The following PCDHA1 variants were observed in gnomAD, a reference collection of about 807,000 sequenced individuals.
The protein encoded by PCDHA1 is protocadherin alpha-1.
In PCDHA1, 42 loss-of-function variants were observed where a neutral mutation model predicts 61.3. The observed-to-expected ratio is 0.69, with a 90% CI of 0.54 to 0.89. PCDHA1 has a LOEUF of 0.89. Among genes scored for constraint, PCDHA1 ranks in the 40% least tolerant of loss-of-function variants. The probability of loss-of-function intolerance (pLI) is 0.00; values close to 1 mark genes in which losing one functional copy is unlikely to be tolerated. For synonymous variants in PCDHA1, 610 were observed against 553.8 expected (o/e 1.10, Z -1.43); for missense variants, 1,256 against 1,235.3 (o/e 1.02, Z -0.25).
intron 1 of PCDHA1, among the ~76,000 whole-genome samples, chr5:140,915,100 CACA>C (rs2076984171): frequency 6.6e-6 from 1 of 151,988 alleles, no homozygotes; most frequent in African/African-American, 2.4e-5. Context: ...CACGCACCAC[CACA>C]ACACCCACCT....
chr5:140,877,674 G>T (rs2057278019), intron 1 of PCDHA1: 2 of 1,613,630 alleles, frequency 1.2e-6, no homozygotes, highest in East Asian at 4.5e-5. Flanking sequence ...GGTGCGCGCC[G>T]GGCAAGCCCA....
At chr5:140,913,318 T>C (rs953831117) in intron 1 of PCDHA1, among the ~76,000 whole-genome samples, 1 of 152,188 alleles carries the variant, frequency 6.6e-6, no homozygotes, top group African/African-American at 2.4e-5. Flanking sequence ...CTTGGTAAGT[T>C]GTATGTGTCT....
intron 1 of PCDHA1, chr5:140,876,989 G>T (rs781957201): frequency 1.2e-6 from 2 of 1,612,664 alleles, no homozygotes; most frequent in South Asian, 1.1e-5. Context: ...GCACTGTCGA[G>T]CTACGTGTCG....
chr5:140,875,394 G>T, intron 1 of PCDHA1: 1 of 1,476,976 alleles, frequency 6.8e-7, no homozygotes, highest in South Asian at 1.4e-5. Context: ...TACAGAAAAG[G>T]GTGACTGCTC....
intron 1 of PCDHA1, among the ~76,000 whole-genome samples, chr5:140,954,491 T>C (rs1554221443): frequency 6.6e-6 from 1 of 152,264 alleles, no homozygotes; most frequent in Non-Finnish European, 1.5e-5. Flanking sequence ...TATTTCATTG[T>C]GGTTTTGATT....
intron 1 of PCDHA1, chr5:140,876,827 C>T (rs1554168978): frequency 6.2e-7 from 1 of 1,614,182 alleles, no homozygotes; most frequent in Admixed American, 1.7e-5. Context: ...AACGACAATG[C>T]GCCTGCGTTC....
At chr5:141,004,698 T>C (rs2098177351) in intron 3 of PCDHA1, among the ~76,000 whole-genome samples, 1 of 152,222 alleles carries the variant, frequency 6.6e-6, no homozygotes, top group East Asian at 1.9e-4. Context: ...AACCCAGTTT[T>C]AGGTGCCGAA....
At chr5:140,803,204 G>T in intron 1 of PCDHA1, 1 of 1,613,900 alleles carries the variant, frequency 6.2e-7, no homozygotes, top group Non-Finnish European at 8.5e-7. Flanking sequence ...TGGTGTCGCT[G>T]GTGGAGAGTG....
intron 1 of PCDHA1, among the ~76,000 whole-genome samples, chr5:140,940,172 C>T (rs1177302028): frequency 6.6e-6 from 1 of 152,102 alleles, no homozygotes; most frequent in Non-Finnish European, 1.5e-5. Flanking sequence ...AAATGTCATT[C>T]TTGATAGATA....
At chr5:140,890,248 A>G (rs2062564503) in intron 1 of PCDHA1, among the ~76,000 whole-genome samples, 1 of 152,096 alleles carries the variant, frequency 6.6e-6, no homozygotes, top group Non-Finnish European at 1.5e-5. Context: ...CCAGTACACT[A>G]CTGCACCTGA....
intron 1 of PCDHA1, among the ~76,000 whole-genome samples, chr5:140,827,481 A>G (rs2150147833): frequency 1.8e-4 from 28 of 152,370 alleles, no homozygotes; most frequent in African/African-American, 6.5e-4. Flanking sequence ...TTGAACAAAG[A>G]AAGCATGGAC....
At chr5:140,807,347 C>T in intron 1 of PCDHA1, 1 of 1,612,946 alleles carries the variant, frequency 6.2e-7, no homozygotes, top group Non-Finnish European at 8.5e-7. Flanking sequence ...GGACCTGGGA[C>T]TGGAGCTGGC....
At chr5:140,882,404 G>A in intron 1 of PCDHA1, 1 of 1,614,152 alleles carries the variant, frequency 6.2e-7, no homozygotes. Context: ...CACCTTCGTG[G>A]GCCGCATCGC....
chr5:140,829,227 C>T (rs2150164224), intron 1 of PCDHA1: 1 of 1,614,240 alleles, frequency 6.2e-7, no homozygotes, highest in African/African-American at 1.3e-5. Context: ...GACCTCGATT[C>T]AGGTGCCAAC....
intron 1 of PCDHA1, chr5:140,884,593 C>A: frequency 6.2e-7 from 1 of 1,614,162 alleles, no homozygotes; most frequent in Non-Finnish European, 8.5e-7. Flanking sequence ...TCAGTCCCAG[C>A]CTTCCTCCTT....
At position 140,980,488 on chromosome 5, in the gene PCDHA1, G is replaced by A. The variant is rs372283383; in HGVS notation, c.2453+1481G>A. Among the ~76,000 whole-genome samples, 12 of 152,250 alleles carry A rather than the reference G, an allele frequency of 7.9e-5. No individual in the cohort carries two copies. The East Asian group carries it at 1.9e-3, about 25-fold the overall frequency. Reference sequence around the variant, plus strand: ...CTACTAAAAATACAAAAATTAGCTGGGCGTGATGGCATGTGCCTGTAGTTC... The same window carrying A: ...CTACTAAAAATACAAAAATTAGCTGAGCGTGATGGCATGTGCCTGTAGTTC... On this transcript the variant is annotated intron_variant, in intron 2 of 3. Transcript: ENST00000504120.
At chr5:140,862,911 G>C (rs781861917) in intron 1 of PCDHA1, 3 of 549,326 alleles carry the variant, frequency 5.5e-6, no homozygotes. Flanking sequence ...CGCTGCTGGC[G>C]CCTTGGGTGG....
chr5:140,870,132 C>G (rs371110623), intron 1 of PCDHA1: 2 of 1,613,970 alleles, frequency 1.2e-6, no homozygotes, highest in East Asian at 2.2e-5. Flanking sequence ...TGGACACCAA[C>G]GATAACTCTC....
intron 1 of PCDHA1, chr5:140,856,057 C>T: frequency 6.3e-7 from 1 of 1,587,068 alleles, no homozygotes; most frequent in East Asian, 2.2e-5. Flanking sequence ...AGATGGTTTC[C>T]AGATGTAGCT....
Sources: allele counts gnomAD v4.1 joint callset (sites outside exome capture counted in the v4.1 genomes callset), GRCh38; gene constraint gnomAD v4.1.1; transcripts MANE v1.5; gene names NCBI Gene and HGNC (gene_info 2026-07-23, HGNC 2026-07-21).